COBLL1: variants seen among roughly 807,000 people sequenced by gnomAD.
COBLL1 encodes the protein cordon-bleu protein-like 1.
A neutral mutation model predicts 94.8 loss-of-function variants in COBLL1; 50 were observed. The observed-to-expected ratio is 0.53, with a 90% CI of 0.42 to 0.67. The LOEUF (loss-of-function observed/expected upper bound fraction) is 0.67. Ranked by LOEUF, COBLL1 falls within the 30% of genes least tolerant of loss-of-function variation. The pLI is 0.00. For missense variants in COBLL1, 1,362 were observed against 1,348.7 expected, an observed-to-expected ratio of 1.01 and a Z score of -0.15; for synonymous variants, 448 against 473.8, an observed-to-expected ratio of 0.95 and a Z score of 0.71.
Position 164,705,082 on chromosome 2 carries a change from C to T in COBLL1, c.1020G>A (p.Val340=), listed in dbSNP as rs745497206. The T allele has an allele frequency of 1.3e-6, 2 of 1,553,842 alleles. No individual in the cohort carries two copies. Among genetic ancestry groups the T allele is most frequent in the Non-Finnish European group, 1.7e-6 (2 of 1,153,024 alleles). Residue 340 remains valine (V), a synonymous_variant, in exon 8 of 14, where the codon GTG becomes GTA. Coordinates refer to ENST00000652658, the MANE Select transcript of COBLL1 (RefSeq NM_001365672.2). ...TGCTGAGCTGCAGTGAACCTGCCCT[C>T]ACTCTTCCTGCTTCACAGGGACTCT... ...TDKSPCEAGR[V]RAGSLQLSSM... is the part of the protein sequence containing the mutation.
At chr2:164,704,575 T>G in intron 8 of COBLL1, 57 bp from the exon 9 acceptor site, 1 of 1,338,236 alleles carries the variant, frequency 7.5e-7, no homozygotes, top group Non-Finnish European at 1.1e-6. Context: ...AAACAATTCC[T>G]TAACAGTTTA....
intron 2 of COBLL1, among the ~76,000 whole-genome samples, chr2:164,838,507 C>T (rs1182346938): frequency 1.3e-5 from 2 of 152,110 alleles, no homozygotes; most frequent in African/African-American, 2.4e-5. Flanking sequence ...AAATGTATAA[C>T]GTCATGGTAT....
intron 2 of COBLL1, among the ~76,000 whole-genome samples, chr2:164,836,867 C>T (rs898641797): frequency 6.6e-6 from 1 of 152,138 alleles, no homozygotes; most frequent in South Asian, 2.1e-4. Context: ...ATCCCCTGGT[C>T]CCAGACCAAG....
intron 1 of COBLL1, among the ~76,000 whole-genome samples, chr2:164,673,312 A>G (rs1396652232): frequency 1.3e-5 from 2 of 152,216 alleles, no homozygotes; most frequent in Admixed American, 6.5e-5. Flanking sequence ...GGGGGGCATT[A>G]GTTAGAGGCA....
chr2:164,679,957 T>C (rs1682964654), downstream of COBLL1, among the ~76,000 whole-genome samples: 1 of 151,320 alleles, frequency 6.6e-6, no homozygotes, highest in Non-Finnish European at 1.5e-5. Flanking sequence ...ATAATAATAA[T>C]AATAATACTG....
At chr2:164,706,125 C>T (rs1684587469) in intron 7 of COBLL1, among the ~76,000 whole-genome samples, 1 of 152,142 alleles carries the variant, frequency 6.6e-6, no homozygotes, top group South Asian at 2.1e-4. Flanking sequence ...GATACTTTTC[C>T]CAGCCTTTGA....
At chr2:164,818,268 GTATGTATGTATACATA>G (rs1201873302) in intron 2 of COBLL1, among the ~76,000 whole-genome samples, 7 of 100,172 alleles carry the variant, frequency 7.0e-5, no homozygotes, top group South Asian at 5.7e-4. Flanking sequence ...ACATATACAC[GTATGTATGTATACATA>G]TATGTATGTA....
chr2:164,786,290 T>C (rs1187283380), intron 2 of COBLL1, among the ~76,000 whole-genome samples: 1 of 152,104 alleles, frequency 6.6e-6, no homozygotes, highest in African/African-American at 2.4e-5. Context: ...TACTAAGATA[T>C]AGAGTCCTGC....
At chr2:164,812,504 T>G (rs1684507351) in intron 2 of COBLL1, among the ~76,000 whole-genome samples, 1 of 152,058 alleles carries the variant, frequency 6.6e-6, no homozygotes, top group Non-Finnish European at 1.5e-5. Flanking sequence ...GCAAATAGCC[T>G]TTTTGTGACA....
chr2:164,818,669 A>ATATGTAAACATATATAGCGTATATGTACT lies in COBLL1; in HGVS notation c.41+22486_41+22487insAGTACATATACGCTATATATGTTTACATA, dbSNP rs1357734328. 1.6e-3 allele frequency among the ~76,000 whole-genome samples: 239 copies of ATATGTAAACATATATAGCGTATATGTACT among 147,418 alleles called. 2 individuals carry two copies. The highest frequency in any genetic ancestry group is 5.3e-3 in the East Asian group (27 of 5,124). ...GTAAACATATATAGCGTATATGTACATATGTAAACATATATAGTGTATATG... is the reference window on the plus strand; with the variant it reads ...GTAAACATATATAGCGTATATGTACATATGTAAACATATATAGCGTATATGTACTTATGTAAACATATATAGTGTATATG... On this transcript the variant is annotated intron_variant, in intron 2 of 13. Coordinates refer to ENST00000652658, the MANE Select transcript of COBLL1 (RefSeq NM_001365672.2).
At chr2:164,743,424 T>C in intron 3 of COBLL1, 1 of 296,582 alleles carries the variant, frequency 3.4e-6, no homozygotes, top group Non-Finnish European at 6.3e-6. Flanking sequence ...TTTTAAAAAC[T>C]TGTTAAATAA....
intron 2 of COBLL1, among the ~76,000 whole-genome samples, chr2:164,757,075 T>A (rs1458501228): frequency 6.6e-6 from 1 of 152,182 alleles, no homozygotes; most frequent in Non-Finnish European, 1.5e-5. Flanking sequence ...TCAGAGATTC[T>A]GATTTAATTG....
At chr2:164,724,927 CAAT>C (rs1476098239) in intron 5 of COBLL1, 1 of 151,666 alleles carries the variant, frequency 6.6e-6, no homozygotes, top group Non-Finnish European at 1.5e-5. Context: ...ACATTCTGCA[CAAT>C]GAGTTTGACA....
chr2:164,662,546 C>A (rs191224597), intron 2 of COBLL1, among the ~76,000 whole-genome samples: 2 of 152,076 alleles, frequency 1.3e-5, no homozygotes, highest in East Asian at 3.9e-4. Context: ...TCAGTGATAT[C>A]GTTTCAATAT....
At chr2:164,738,648 A>G (rs1558969000) in intron 3 of COBLL1, among the ~76,000 whole-genome samples, 1 of 152,244 alleles carries the variant, frequency 6.6e-6, no homozygotes, top group Non-Finnish European at 1.5e-5. Context: ...TATACATGAT[A>G]CACAGACACA....
intron 2 of COBLL1, among the ~76,000 whole-genome samples, chr2:164,803,843 C>T (rs1683951254): frequency 6.6e-6 from 1 of 151,834 alleles, no homozygotes; most frequent in Non-Finnish European, 1.5e-5. Flanking sequence ...TACCAATAGT[C>T]CAGGCCCAGC....
intron 13 of COBLL1, among the ~76,000 whole-genome samples, chr2:164,689,812 C>G (rs1189495595): frequency 6.6e-6 from 1 of 152,092 alleles, no homozygotes; most frequent in African/African-American, 2.4e-5. Flanking sequence ...GTGTGCATGG[C>G]CTACATCAAT....
intron 2 of COBLL1, among the ~76,000 whole-genome samples, chr2:164,819,125 C>G (rs1447353556): frequency 2.6e-5 from 4 of 151,964 alleles, no homozygotes; most frequent in African/African-American, 7.3e-5. Flanking sequence ...TTTAAAGACT[C>G]ATAAAGTGTA....
chr2:164,795,119 T>C (rs1683377492), intron 2 of COBLL1, among the ~76,000 whole-genome samples: 2 of 152,194 alleles, frequency 1.3e-5, no homozygotes, highest in African/African-American at 4.8e-5. Context: ...ATGCTTATTT[T>C]GAAAGGGAAA....
Sources: allele counts gnomAD v4.1 joint callset (sites outside exome capture counted in the v4.1 genomes callset), GRCh38; gene constraint gnomAD v4.1.1; transcripts MANE v1.5; gene names NCBI Gene and HGNC (gene_info 2026-07-23, HGNC 2026-07-21).